Variants in TEX11 observed in about 807,000 individuals in gnomAD.
TEX11 encodes testis-expressed protein 11.
Under a neutral mutation model 84.4 loss-of-function variants are expected in TEX11, and 7 were observed. That is an observed-to-expected ratio of 0.08 (90% CI 0.05 to 0.16). The LOEUF is 0.16. Ranked by LOEUF, TEX11 falls within the 10% of genes least tolerant of loss-of-function variation. The probability of loss-of-function intolerance (pLI) is 1.00; values close to 1 mark genes in which losing one functional copy is unlikely to be tolerated. For missense variants in TEX11, 551 were observed against 660.5 expected, an observed-to-expected ratio of 0.83 and a Z score of 1.82; for synonymous variants, 264 against 222.8, an observed-to-expected ratio of 1.18 and a Z score of -1.64.
At chrX:70,646,707 T>C (rs2089746474) in intron 17 of TEX11, among the ~76,000 whole-genome samples, 1 of 111,613 alleles carries the variant, frequency 9.0e-6, no homozygotes, top group African/African-American at 3.3e-5. Flanking sequence ...AGAATGGCTA[T>C]TATAAAAAAG....
intron 9 of TEX11, among the ~76,000 whole-genome samples, chrX:70,788,847 A>G (rs2094308816): frequency 9.8e-6 from 1 of 101,779 alleles, no homozygotes; most frequent in African/African-American, 3.6e-5. Flanking sequence ...AAGCTTTTGC[A>G]CAGCAATGAA....
intron 9 of TEX11, among the ~76,000 whole-genome samples, chrX:70,758,004 A>G (rs2090880394): frequency 1.8e-5 from 2 of 111,909 alleles, no homozygotes; most frequent in Non-Finnish European, 3.8e-5. Context: ...CTTCAAACCA[A>G]CAAAGATCAA....
chrX:70,756,219 G>T (rs1479687783), intron 9 of TEX11, among the ~76,000 whole-genome samples: 1 of 112,608 alleles, frequency 8.9e-6, no homozygotes, highest in Non-Finnish European at 1.9e-5. Flanking sequence ...GATAGCTTTG[G>T]CAGACCTAAA....
chrX:70,524,167 G>A (rs1194672623), downstream of TEX11, among the ~76,000 whole-genome samples: 2 of 111,931 alleles, frequency 1.8e-5, no homozygotes, highest in African/African-American at 3.3e-5. Context: ...CAATGTTTAA[G>A]CTATTTATAT....
Position 70,606,994 on chromosome X carries a change from C to G in TEX11, c.1915G>C (p.Val639Leu). 1.7e-6 allele frequency: 2 copies of G among 1,199,481 alleles called. No individual in the cohort carries two copies. The highest frequency in any genetic ancestry group is 1.8e-5 in the South Asian group (1 of 54,182). Residue 639 changes from valine (V) to leucine (L), a missense_variant, in exon 23 of 30, where the codon GTG becomes CTG. Physicochemically the swap from Val to Leu is conservative, Grantham distance 32 (BLOSUM62 1). Coordinates refer to ENST00000374333, the MANE Select transcript of TEX11 (RefSeq NM_031276.3). ...AGTATAAAAAACTCTCTCATCATCA[C>G]TGGATCTTTGTCACATTGCACAGCC... ...NLAVQCDKDPVMMREFFILSY... is the reference protein window; with the variant it reads ...NLAVQCDKDPLMMREFFILSY...
the TEX11 span, among the ~76,000 whole-genome samples, chrX:70,522,277 A>G: frequency 8.9e-6 from 1 of 111,998 alleles, no homozygotes; most frequent in Non-Finnish European, 1.9e-5. Flanking sequence ...GGGAAGAGAG[A>G]GAGTGAAAGA....
chrX:70,641,005 G>C (rs1431929466), intron 17 of TEX11, among the ~76,000 whole-genome samples: 1 of 110,874 alleles, frequency 9.0e-6, no homozygotes, highest in African/African-American at 3.3e-5. Context: ...CCATCAGTGT[G>C]CTGTATTCAG....
chrX:70,650,335 G>C (rs747778108), intron 17 of TEX11, among the ~76,000 whole-genome samples: 1 of 111,416 alleles, frequency 9.0e-6, no homozygotes, highest in Non-Finnish European at 1.9e-5. Context: ...CAGACAACTG[G>C]AGAAGAAATA....
At chrX:70,866,279 G>GA (rs2091598644) in intron 4 of TEX11, among the ~76,000 whole-genome samples, 1 of 110,345 alleles carries the variant, frequency 9.1e-6, no homozygotes, top group Non-Finnish European at 1.9e-5. Flanking sequence ...AAATAAACTA[G>GA]AAAATCTAGA....
chrX:70,633,880 C>T (rs772639575), intron 17 of TEX11, among the ~76,000 whole-genome samples: 52 of 111,360 alleles, frequency 4.7e-4, no homozygotes, highest in African/African-American at 1.5e-3. Context: ...ATCATGCCAC[C>T]GCACTCCAGC....
chrX:70,670,457 T>C lies in TEX11; in HGVS notation c.1300A>G (p.Thr434Ala), dbSNP rs199871594. 23 of 1,208,412 alleles carry C rather than the reference T, an allele frequency of 1.9e-5. No homozygotes were observed. The East Asian group carries it at 6.5e-4, about 34-fold the overall frequency. ...GTGAAGTCCAGATCCATTTCATCAGTTGAATAAAACCTCAGAGAATAATAG... is the reference window on the plus strand; with the variant it reads ...GTGAAGTCCAGATCCATTTCATCAGCTGAATAAAACCTCAGAGAATAATAG... Reference protein sequence around the residue: ...WYYYSLRFYSTDEMDLDFTKL... With the variant: ...WYYYSLRFYSADEMDLDFTKL... The change falls in exon 16 of 30, where the codon ACT becomes GCT. Residue 434 changes from threonine to alanine, a missense_variant. Coordinates refer to ENST00000374333, the MANE Select transcript of TEX11 (RefSeq NM_031276.3).
chrX:70,542,609 G>C (rs745410528), intron 28 of TEX11, among the ~76,000 whole-genome samples: 2 of 111,848 alleles, frequency 1.8e-5, no homozygotes, highest in South Asian at 3.7e-4. Context: ...GAGGTTGTAC[G>C]AGAGAGTGGA....
intron 9 of TEX11, among the ~76,000 whole-genome samples, chrX:70,803,420 A>G (rs2091200695): frequency 9.0e-6 from 1 of 111,523 alleles, no homozygotes; most frequent in Non-Finnish European, 1.9e-5. Flanking sequence ...AACTTTTCTT[A>G]GCAAAAGAAA....
chrX:70,641,660 C>T (rs1275433854), intron 17 of TEX11, among the ~76,000 whole-genome samples: 1 of 111,407 alleles, frequency 9.0e-6, no homozygotes, highest in Non-Finnish European at 1.9e-5. Context: ...ACCTGCTCCT[C>T]AATGACTGCT....
At chrX:70,540,012 C>A (rs1451973887) in intron 28 of TEX11, among the ~76,000 whole-genome samples, 1 of 111,986 alleles carries the variant, frequency 8.9e-6, no homozygotes, top group Non-Finnish European at 1.9e-5. Context: ...CTTGTTTCTA[C>A]TTCTACCTGG....
chrX:70,714,757 C>G (rs1389372240), intron 13 of TEX11, among the ~76,000 whole-genome samples: 2 of 111,585 alleles, frequency 1.8e-5, no homozygotes, highest in Admixed American at 9.5e-5. Context: ...ATTTGCCAGT[C>G]TGTGTCTTTT....
intron 13 of TEX11, among the ~76,000 whole-genome samples, chrX:70,715,139 G>T (rs1016978610): frequency 3.6e-5 from 4 of 110,630 alleles, no homozygotes; most frequent in African/African-American, 1.3e-4. Flanking sequence ...CTTCTGGCTT[G>T]TAGAGTTTCT....
intron 9 of TEX11, among the ~76,000 whole-genome samples, chrX:70,793,868 CAA>C (rs113781168): frequency 3.3e-5 from 3 of 91,533 alleles, no homozygotes. Context: ...CTAAAGCCTC[CAA>C]AAAAAAAAAA....
chrX:70,603,845 C>G (rs2089162839), intron 24 of TEX11, among the ~76,000 whole-genome samples: 1 of 106,223 alleles, frequency 9.4e-6, no homozygotes, highest in Non-Finnish European at 1.9e-5. Flanking sequence ...GGAACTCCAA[C>G]AAATTTACAA....
Sources: gnomAD v4.1 joint callset for allele counts (sites outside exome capture counted in the v4.1 genomes callset) on GRCh38, gnomAD v4.1.1 for gene constraint, MANE v1.5 for transcripts, NCBI Gene and HGNC (gene_info 2026-07-23, HGNC 2026-07-21) for gene names.